UNC5C: variants seen among roughly 807,000 people sequenced by gnomAD.
UNC5C encodes the protein netrin receptor UNC5C.
UNC5C carries 47 observed loss-of-function variants against 99.8 expected under a neutral mutation model. The observed-to-expected ratio is 0.47, with a 90% CI of 0.37 to 0.60. The LOEUF is 0.60. UNC5C is among the 20% of genes least tolerant of loss of function. The pLI is 0.00. For synonymous variants in UNC5C, 487 were observed against 452.2 expected, an observed-to-expected ratio of 1.08 and a Z score of -0.98; for missense variants, 1,062 against 1,165.9, an observed-to-expected ratio of 0.91 and a Z score of 1.30.
At chr4:95,483,015 T>C (rs1251671451) in intron 1 of UNC5C, among the ~76,000 whole-genome samples, 3 of 125,956 alleles carry the variant, frequency 2.4e-5, no homozygotes, top group Non-Finnish European at 1.6e-5. Context: ...ATAATAATAA[T>C]AATAATAATA....
intron 7 of UNC5C, among the ~76,000 whole-genome samples, chr4:95,230,453 C>T (rs1044365860): frequency 2.0e-5 from 3 of 152,148 alleles, no homozygotes; most frequent in African/African-American, 7.2e-5. Flanking sequence ...TTAATTAGAT[C>T]CCATTTGTCA....
intron 1 of UNC5C, among the ~76,000 whole-genome samples, chr4:95,441,360 C>T (rs1043740842): frequency 1.3e-4 from 20 of 152,034 alleles, no homozygotes; most frequent in South Asian, 2.1e-4. Flanking sequence ...ATGCTCTTTG[C>T]GTAAATTTCA....
chr4:95,396,129 G>A (rs1745501503), intron 1 of UNC5C, among the ~76,000 whole-genome samples: 1 of 152,184 alleles, frequency 6.6e-6, no homozygotes, highest in African/African-American at 2.4e-5. Context: ...TTAATAGGAG[G>A]GTTTGTCTTT....
chr4:95,402,001 G>T (rs1044436772), intron 1 of UNC5C, among the ~76,000 whole-genome samples: 1 of 152,200 alleles, frequency 6.6e-6, no homozygotes, highest in Admixed American at 6.5e-5. Context: ...TAGAGAGATT[G>T]GCAAAATGCT....
chr4:95,244,962 G>T lies in UNC5C; in HGVS notation c.943+15C>A. On this transcript the variant is annotated intron_variant, in intron 6 of 15. Transcript: ENST00000453304. ...TAATAGGAGATACTTGGAATGAGAG[G>T]ACTGGTTTATTTACCTGGGCATAAC... 2 of 1,613,238 alleles carry T rather than the reference G, an allele frequency of 1.2e-6. No homozygotes were observed. Among genetic ancestry groups the T allele is most frequent in the South Asian group, 2.2e-5 (2 of 90,868 alleles).
chr4:95,205,269 G>A (rs1285962909), intron 11 of UNC5C, among the ~76,000 whole-genome samples: 1 of 152,166 alleles, frequency 6.6e-6, no homozygotes, highest in Non-Finnish European at 1.5e-5. Context: ...AGAGAATCAT[G>A]CGAATAATTT....
chr4:95,176,363 T>G (rs2149346674), intron 14 of UNC5C, among the ~76,000 whole-genome samples: 1 of 152,000 alleles, frequency 6.6e-6, no homozygotes, highest in Non-Finnish European at 1.5e-5. Flanking sequence ...TTTTTCCCCA[T>G]CTTTGTGGTT....
intron 1 of UNC5C, among the ~76,000 whole-genome samples, chr4:95,392,115 A>T (rs1208248530): frequency 6.6e-6 from 1 of 152,144 alleles, no homozygotes; most frequent in Non-Finnish European, 1.5e-5. Flanking sequence ...ACAAATGAGT[A>T]TTTTTTACAG....
chr4:95,480,803 C>T (rs1721125869), intron 1 of UNC5C, among the ~76,000 whole-genome samples: 1 of 151,708 alleles, frequency 6.6e-6, no homozygotes, highest in Non-Finnish European at 1.5e-5. Flanking sequence ...TGACAAAATT[C>T]AACAACCATT....
intron 4 of UNC5C, among the ~76,000 whole-genome samples, chr4:95,272,383 A>G (rs1036552540): frequency 2.0e-5 from 3 of 152,254 alleles, no homozygotes; most frequent in South Asian, 4.1e-4. Flanking sequence ...GATGTATAAT[A>G]AGTCAGATAA....
At chr4:95,286,715 T>A (rs1373664969) in intron 3 of UNC5C, among the ~76,000 whole-genome samples, 1 of 152,188 alleles carries the variant, frequency 6.6e-6, no homozygotes, top group African/African-American at 2.4e-5. Flanking sequence ...TTCTAACTTT[T>A]AATGGAGATG....
At chr4:95,381,052 T>A (rs577250154) in intron 1 of UNC5C, among the ~76,000 whole-genome samples, 95 of 152,366 alleles carry the variant, frequency 6.2e-4, no homozygotes, top group African/African-American at 2.1e-3. Context: ...GATTTAATAT[T>A]CTTAATTCAA....
intron 1 of UNC5C, among the ~76,000 whole-genome samples, chr4:95,468,491 T>G (rs1747867562): frequency 6.6e-6 from 1 of 152,168 alleles, no homozygotes; most frequent in Non-Finnish European, 1.5e-5. Flanking sequence ...CTTTCATCAT[T>G]TCCTTGATTA....
chr4:95,229,645 T>A (rs2149372557), intron 7 of UNC5C, among the ~76,000 whole-genome samples: 1 of 152,228 alleles, frequency 6.6e-6, no homozygotes, highest in South Asian at 2.1e-4. Flanking sequence ...ATACACCCAG[T>A]AATGGGATTG....
At chr4:95,385,626 AC>A (rs1421785560) in intron 1 of UNC5C, among the ~76,000 whole-genome samples, 1 of 152,184 alleles carries the variant, frequency 6.6e-6, no homozygotes, top group East Asian at 1.9e-4. Flanking sequence ...ACCTATTCTT[AC>A]AACAAAATTA....
intron 1 of UNC5C, among the ~76,000 whole-genome samples, chr4:95,349,912 T>C (rs928109498): frequency 6.6e-5 from 10 of 152,274 alleles, no homozygotes; most frequent in African/African-American, 2.2e-4. Context: ...TATTGGTTGA[T>C]CACTTTCTAT....
At position 95,206,693 on chromosome 4, in the gene UNC5C, C is replaced by A. The variant is rs761436712; in HGVS notation, c.1837G>T (p.Ala613Ser). The change falls in exon 11 of 16, where the codon GCA becomes TCA. Residue 613 changes from alanine (A) to serine (S), a missense_variant. Ala to Ser is a moderately conservative substitution (Grantham distance 99). Coordinates refer to ENST00000453304, the MANE Select transcript of UNC5C (RefSeq NM_003728.4). ...TTCCAGTCCTCGGTATTGGGGTCTGCGCAGTGATGCATAGTGAGGACGACT... is the reference window on the plus strand; with the variant it reads ...TTCCAGTCCTCGGTATTGGGGTCTGAGCAGTGATGCATAGTGAGGACGACT... Reference protein sequence around the residue: ...RPVVLTMHHCADPNTEDWKIL... With the variant: ...RPVVLTMHHCSDPNTEDWKIL... 1.1e-5 allele frequency: 17 copies of A among 1,613,942 alleles called. No homozygotes were observed. In the East Asian group the frequency reaches 3.6e-4, roughly 34 times the overall value.
At chr4:95,474,455 T>G (rs1748075528) in intron 1 of UNC5C, among the ~76,000 whole-genome samples, 1 of 152,042 alleles carries the variant, frequency 6.6e-6, no homozygotes, top group African/African-American at 2.4e-5. Context: ...CACCCCTGTC[T>G]AATTTTGTAT....
chr4:95,419,200 C>T (rs1357771178), intron 1 of UNC5C, among the ~76,000 whole-genome samples: 3 of 152,080 alleles, frequency 2.0e-5, no homozygotes, highest in African/African-American at 7.2e-5. Flanking sequence ...TTTTGTTGGT[C>T]TCTAAGTATA....
Sources: gnomAD v4.1 joint callset for allele counts (sites outside exome capture counted in the v4.1 genomes callset) on GRCh38, gnomAD v4.1.1 for gene constraint, MANE v1.5 for transcripts, NCBI Gene and HGNC (gene_info 2026-07-23, HGNC 2026-07-21) for gene names.